Variants in PLCXD3 observed in about 807,000 individuals in gnomAD.
PLCXD3 encodes PI-PLC X domain-containing protein 3.
A neutral mutation model predicts 25.5 loss-of-function variants in PLCXD3; 19 were observed. The ratio of observed to expected loss-of-function variants is 0.75; its 90% CI spans 0.52 to 1.09. PLCXD3 has a LOEUF of 1.09. PLCXD3 is among the 50% of genes least tolerant of loss of function. PLCXD3 has a pLI of 0.00. For synonymous variants in PLCXD3, 174 were observed against 137.6 expected (o/e 1.26, Z -1.85); for missense variants, 411 against 388.1 (o/e 1.06, Z -0.50).
intron 2 of PLCXD3, among the ~76,000 whole-genome samples, chr5:41,320,040 A>C (rs1416160918): frequency 6.6e-6 from 1 of 152,160 alleles, no homozygotes; most frequent in Non-Finnish European, 1.5e-5. Flanking sequence ...CATACAACCT[A>C]CCAAGATTGA....
chr5:41,329,811 A>C (rs971830819), intron 2 of PLCXD3, among the ~76,000 whole-genome samples: 2 of 147,840 alleles, frequency 1.4e-5, no homozygotes, highest in Non-Finnish European at 3.0e-5. Flanking sequence ...CTATTTTATT[A>C]TATATTAATT....
Position 41,313,128 on chromosome 5 carries a change from A to T in PLCXD3, c.*489T>A, listed in dbSNP as rs1222662096. The T allele has an allele frequency of 6.4e-6, 1 of 157,124 alleles. No homozygotes were observed. The highest frequency in any genetic ancestry group is 2.4e-5 in the African/African-American group (1 of 41,470). The allele number at this position is 157,124 out of a possible 1,614,324, so 9.7% of individuals were successfully genotyped here. A position where few individuals can be genotyped will look rare whatever the true frequency, so the allele number is the denominator to read the frequency against. The stretch of plus-strand genomic sequence containing the variant: ...GCCCAACTGTGGATGACTATAGAGC[A>T]TTATAACAAGTCCCACAAAACTAGT... On this transcript the variant is annotated 3_prime_UTR_variant, in exon 3 of 3. Coordinates refer to ENST00000377801, the MANE Select transcript of PLCXD3 (RefSeq NM_001005473.3).
rs530798479 is a variant in PLCXD3, at chr5:41,315,392, T to C, written c.813-1622A>G. Among the ~76,000 whole-genome samples the C allele has an allele frequency of 6.7e-5, 10 of 150,142 alleles. No individual in the cohort carries two copies. In the South Asian group the frequency reaches 2.1e-3, roughly 32 times the overall value. On this transcript the variant is annotated intron_variant, in intron 2 of 2. Coordinates refer to ENST00000377801, the MANE Select transcript of PLCXD3 (RefSeq NM_001005473.3). ...AAGAAGTTGTATAAAAAAGGTAAGG[T>C]AGTTTTGAAAGATGTTAAAGAGAAA... is the stretch of plus-strand genomic sequence containing the variant.
At chr5:41,408,002 A>C (rs965231468) in intron 1 of PLCXD3, among the ~76,000 whole-genome samples, 1 of 152,212 alleles carries the variant, frequency 6.6e-6, no homozygotes, top group African/African-American at 2.4e-5. Context: ...AGAGAAGTTC[A>C]GTATTCATCA....
intron 2 of PLCXD3, among the ~76,000 whole-genome samples, chr5:41,321,872 C>T (rs1441640278): frequency 6.6e-6 from 1 of 152,106 alleles, no homozygotes; most frequent in Non-Finnish European, 1.5e-5. Flanking sequence ...TATCCAGATG[C>T]AAAAGAATAA....
At chr5:41,456,106 G>T (rs572295053) in intron 1 of PLCXD3, among the ~76,000 whole-genome samples, 133 of 152,062 alleles carry the variant, frequency 8.7e-4, no homozygotes, top group African/African-American at 3.1e-3. Flanking sequence ...AACTGGTAAT[G>T]AGGAGGGAGA....
chr5:41,426,875 C>T lies in PLCXD3; in HGVS notation c.104-44341G>A, dbSNP rs118182122. 4.2e-3 allele frequency among the ~76,000 whole-genome samples: 646 copies of T among 152,110 alleles called. 10 individuals carry two copies. The East Asian group carries it at 0.058, about 14-fold the overall frequency. ...TCTGAAAATGTCTATATTTTGTGCT[C>T]ATTTAATAATAATCTATCTAAATAG... On this transcript the variant is annotated intron_variant, in intron 1 of 2. Transcript: ENST00000377801.
rs77288739 is a variant in PLCXD3 at position 41,404,732 on chromosome 5, G to A, written c.104-22198C>T. On this transcript the variant is annotated intron_variant, in intron 1 of 2. Coordinates refer to ENST00000377801, the MANE Select transcript of PLCXD3 (RefSeq NM_001005473.3). ...ATAGAAGTTTTTGGAATGAACTTCC[G>A]GTTGGTCTCTCAGTTTAGCCATAAT... 2.2e-3 allele frequency among the ~76,000 whole-genome samples: 334 copies of A among 152,084 alleles called. 1 individual carries two copies. The highest frequency in any genetic ancestry group is 7.5e-3 in the African/African-American group (312 of 41,468).
intron 1 of PLCXD3, among the ~76,000 whole-genome samples, chr5:41,461,561 A>G (rs1159842029): frequency 1.3e-5 from 2 of 151,964 alleles, no homozygotes; most frequent in East Asian, 3.9e-4. Flanking sequence ...TCACTGCCTC[A>G]CTTGTTAACC....
chr5:41,351,202 GAAGA>G (rs1411702881), intron 2 of PLCXD3, among the ~76,000 whole-genome samples: 2 of 152,106 alleles, frequency 1.3e-5, no homozygotes, highest in Non-Finnish European at 2.9e-5. Flanking sequence ...AATCAGGGTA[GAAGA>G]TATCCTAGCT....
In PLCXD3 at chr5:41,324,620, G is replaced by A. The variant is rs77639872; in HGVS notation, c.813-10850C>T. On this transcript the variant is annotated intron_variant, in intron 2 of 2. Coordinates refer to ENST00000377801, the MANE Select transcript of PLCXD3 (RefSeq NM_001005473.3). The stretch of plus-strand genomic sequence containing the variant: ...CATGTCTGAATATACAGACATGAGT[G>A]TATTCAAGTTCATTAGAACGACAGA... Among the ~76,000 whole-genome samples, 1,459 of 152,306 alleles carry A rather than the reference G, an allele frequency of 9.6e-3. 22 individuals carry two copies. The highest frequency in any genetic ancestry group is 0.033 in the African/African-American group (1,356 of 41,570).
chr5:41,326,322 T>G (rs1743625839), intron 2 of PLCXD3, among the ~76,000 whole-genome samples: 1 of 151,682 alleles, frequency 6.6e-6, no homozygotes, highest in Admixed American at 6.6e-5. Context: ...CTTTTTTGTG[T>G]GTGTTATCTA....
chr5:41,462,029 C>T (rs1747888194), intron 1 of PLCXD3, among the ~76,000 whole-genome samples: 1 of 151,976 alleles, frequency 6.6e-6, no homozygotes, highest in Non-Finnish European at 1.5e-5. Flanking sequence ...GAGCCGGAAG[C>T]TCACACGTGC....
At chr5:41,380,686 T>C (rs2150492247) in intron 2 of PLCXD3, among the ~76,000 whole-genome samples, 1 of 152,298 alleles carries the variant, frequency 6.6e-6, no homozygotes, top group East Asian at 1.9e-4. Flanking sequence ...TTTGTCTTTT[T>C]CCACAAAGAC....
chr5:41,363,459 A>T (rs941040577), intron 2 of PLCXD3, among the ~76,000 whole-genome samples: 15 of 152,014 alleles, frequency 9.9e-5, no homozygotes, highest in Non-Finnish European at 7.4e-5. Context: ...AAGTAGTGGA[A>T]TTTTTTTTAA....
chr5:41,510,280 G>T (rs935675332), intron 1 of PLCXD3, 144 bp downstream of exon 1: 3 of 700,748 alleles, frequency 4.3e-6, no homozygotes, highest in Non-Finnish European at 7.0e-6. Context: ...CCCGGCACGC[G>T]CTCGCCTGGC....
chr5:41,475,655 A>G (rs1748266624), intron 1 of PLCXD3: 2 of 534,598 alleles, frequency 3.7e-6, no homozygotes, highest in African/African-American at 1.9e-5. Context: ...GTCCCTGTTC[A>G]GGCGCCACCT....
intron 1 of PLCXD3, among the ~76,000 whole-genome samples, chr5:41,430,610 TA>T (rs1009522235): frequency 5.3e-5 from 8 of 152,032 alleles, no homozygotes; most frequent in African/African-American, 1.9e-4. Context: ...AGAATCAACT[TA>T]AAAAACCTGG....
chr5:41,420,073 G>A (rs1006304923), intron 1 of PLCXD3, among the ~76,000 whole-genome samples: 1 of 151,944 alleles, frequency 6.6e-6, no homozygotes, highest in Non-Finnish European at 1.5e-5. Context: ...GCTATAATAT[G>A]CTTCCAACCT....
Sources: gnomAD v4.1 joint callset for allele counts (sites outside exome capture counted in the v4.1 genomes callset) on GRCh38, gnomAD v4.1.1 for gene constraint, MANE v1.5 for transcripts, NCBI Gene and HGNC (gene_info 2026-07-23, HGNC 2026-07-21) for gene names.